The following NACC2 variants were observed in gnomAD, a reference collection of about 807,000 sequenced individuals.
The protein encoded by NACC2 is nucleus accumbens-associated protein 2.
A neutral mutation model predicts 25.1 loss-of-function variants in NACC2; 8 were observed. The observed-to-expected ratio is 0.32, with a 90% confidence interval of 0.19 to 0.57. NACC2 has a LOEUF of 0.57. NACC2 is among the 20% of genes least tolerant of loss of function. The pLI is 0.89. For missense variants in NACC2, 644 were observed against 650.2 expected, an observed-to-expected ratio of 0.99 and a Z score of 0.10; for synonymous variants, 435 against 294.7, an observed-to-expected ratio of 1.48 and a Z score of -4.88.
intron 1 of NACC2, among the ~76,000 whole-genome samples, chr9:136,066,531 C>T (rs936994812): frequency 1.1e-4 from 16 of 152,064 alleles, no homozygotes; most frequent in Admixed American, 7.9e-4. Flanking sequence ...AGAGATGTAG[C>T]GATCGGGAAT....
In NACC2 at chr9:136,070,649, CTCTCA is replaced by C. The variant is rs1461687183; in HGVS notation, c.-59-20074_-59-20070del. On this transcript the variant is annotated intron_variant, in intron 1 of 5. Coordinates refer to ENST00000277554, the MANE Select transcript of NACC2 (RefSeq NM_144653.5). ...AAAAGTCTCAAATCAATTATATAAG[CTCTCA>C]TCTCAAGGAATCAGAAAAAAAAAAA... Among the ~76,000 whole-genome samples the C allele has an allele frequency of 1.4e-5, 2 of 142,874 alleles. 1 individual carries two copies. Among genetic ancestry groups the C allele is most frequent in the African/African-American group, 5.3e-5 (2 of 38,056 alleles). 93.7% of individuals were successfully genotyped at this position (142,874 alleles called of 152,430 possible).
At chr9:136,053,328 G>A (rs1340433820) in intron 1 of NACC2, among the ~76,000 whole-genome samples, 1 of 152,186 alleles carries the variant, frequency 6.6e-6, no homozygotes, top group Admixed American at 6.5e-5. Context: ...GGAAGCTGCC[G>A]GCAAAGGCCC....
chr9:136,068,621 T>G (rs1841115423), intron 1 of NACC2, among the ~76,000 whole-genome samples: 1 of 151,756 alleles, frequency 6.6e-6, no homozygotes. Flanking sequence ...CGCTGTCCCC[T>G]GAACTGCTGT....
At chr9:136,088,718 T>C (rs1158649543) in intron 1 of NACC2, among the ~76,000 whole-genome samples, 2 of 152,142 alleles carry the variant, frequency 1.3e-5, no homozygotes, top group Non-Finnish European at 2.9e-5. Flanking sequence ...GGACTTGGTC[T>C]TTCCTGACCC....
At chr9:136,047,827 C>T (rs1286239878) in intron 2 of NACC2, among the ~76,000 whole-genome samples, 1 of 152,076 alleles carries the variant, frequency 6.6e-6, no homozygotes, top group Non-Finnish European at 1.5e-5. Flanking sequence ...GATGTGAGGG[C>T]TTAAGGCTGA....
chr9:136,076,139 C>T (rs1363962120), intron 1 of NACC2, among the ~76,000 whole-genome samples: 1 of 152,212 alleles, frequency 6.6e-6, no homozygotes, highest in African/African-American at 2.4e-5. Context: ...GATGACACCC[C>T]ATACCCCGTG....
intron 5 of NACC2, 138 bp from the exon 6 acceptor site, chr9:136,012,162 T>A (rs2131130670): frequency 9.0e-7 from 1 of 1,109,796 alleles, no homozygotes; most frequent in Non-Finnish European, 1.2e-6. Context: ...GGGGCTCTCC[T>A]GGCCTCAGCC....
chr9:136,077,063 C>G (rs4841914), intron 1 of NACC2, among the ~76,000 whole-genome samples: 142,499 of 148,470 alleles, frequency 0.96, 68,586 homozygotes, highest in Non-Finnish European at 1. Flanking sequence ...GCCTGTAGTC[C>G]CAGCCACTTG....
At chr9:136,088,485 C>T (rs372287644) in intron 1 of NACC2, among the ~76,000 whole-genome samples, 87 of 152,232 alleles carry the variant, frequency 5.7e-4, no homozygotes, top group African/African-American at 1.8e-3. Context: ...GTCAGCAGGA[C>T]GAGCCACTGC....
chr9:136,056,100 G>A (rs1435070617), intron 1 of NACC2, among the ~76,000 whole-genome samples: 1 of 152,200 alleles, frequency 6.6e-6, no homozygotes, highest in Admixed American at 6.5e-5. Context: ...GGGAGGACAA[G>A]GGGGCGGCAG....
intron 1 of NACC2, among the ~76,000 whole-genome samples, chr9:136,078,651 C>T (rs555039435): frequency 3.3e-5 from 5 of 152,322 alleles, no homozygotes; most frequent in African/African-American, 4.8e-5. Context: ...GCCCCGACAT[C>T]GGGACAGAAA....
intron 2 of NACC2, among the ~76,000 whole-genome samples, chr9:136,041,149 C>T (rs2131154611): frequency 6.7e-6 from 1 of 149,234 alleles, no homozygotes; most frequent in East Asian, 2.0e-4. Flanking sequence ...TGGCTGGGCA[C>T]AGTGGCTCAT....
chr9:136,047,160 G>A (rs1165832237), intron 2 of NACC2, among the ~76,000 whole-genome samples: 1 of 152,146 alleles, frequency 6.6e-6, no homozygotes, highest in Non-Finnish European at 1.5e-5. Flanking sequence ...GGCCTGGCGA[G>A]GGCAGCAGCC....
At chr9:136,081,995 A>G (rs1297093155) in intron 1 of NACC2, among the ~76,000 whole-genome samples, 1 of 152,228 alleles carries the variant, frequency 6.6e-6, no homozygotes, top group African/African-American at 2.4e-5. Flanking sequence ...GCCAGGCTGC[A>G]GCAAAGGCCA....
At chr9:136,051,735 C>T (rs1840842514) in intron 1 of NACC2, among the ~76,000 whole-genome samples, 1 of 152,154 alleles carries the variant, frequency 6.6e-6, no homozygotes, top group South Asian at 2.1e-4. Flanking sequence ...GACCTACCTT[C>T]AGCCGCTGCG....
Position 136,041,060 on chromosome 9 carries a change from A to AAGG in NACC2, c.886+8575_886+8576insCCT, listed in dbSNP as rs1325689932. On this transcript the variant is annotated intron_variant, in intron 2 of 5. Transcript: ENST00000277554. Reference sequence around the variant, plus strand: ...AAGAAAAGGAAGGAAGGAAGGAAGGAAAGGAAGGAAGGAAGGAAAGGAAGG... The same window carrying AAGG: ...AAGAAAAGGAAGGAAGGAAGGAAGGAAGGAAGGAAGGAAGGAAGGAAAGGAAGG... Among the ~76,000 whole-genome samples the AAGG allele has an allele frequency of 7.8e-3, 1,167 of 148,780 alleles. 14 individuals are homozygous for AAGG. The highest frequency in any genetic ancestry group is 0.027 in the African/African-American group (1,089 of 40,324).
intron 2 of NACC2, among the ~76,000 whole-genome samples, chr9:136,034,954 C>T (rs1840530623): frequency 6.6e-6 from 1 of 152,052 alleles, no homozygotes; most frequent in Admixed American, 6.6e-5. Flanking sequence ...ATTAGCCGGG[C>T]ATGGTGGTGG....
chr9:136,044,716 A>G (rs1299905376), intron 2 of NACC2, among the ~76,000 whole-genome samples: 1 of 152,338 alleles, frequency 6.6e-6, no homozygotes, highest in East Asian at 1.9e-4. Context: ...CCCAAACAAC[A>G]GTCCTGAGTT....
At chr9:136,044,155 G>A (rs1028725925) in intron 2 of NACC2, among the ~76,000 whole-genome samples, 149 of 152,232 alleles carry the variant, frequency 9.8e-4, no homozygotes, top group African/African-American at 3.2e-3. Context: ...CAAAAAAGGC[G>A]GGGAGGAGAG....
Sources: gnomAD v4.1 joint callset for allele counts (sites outside exome capture counted in the v4.1 genomes callset) on GRCh38, gnomAD v4.1.1 for gene constraint, MANE v1.5 for transcripts, NCBI Gene and HGNC (gene_info 2026-07-23, HGNC 2026-07-21) for gene names.